The following MACC1 variants were observed in gnomAD, a reference collection of about 807,000 sequenced individuals.
MACC1 encodes metastasis-associated in colon cancer protein 1.
A neutral mutation model predicts 70.7 loss-of-function variants in MACC1; 79 were observed. The observed-to-expected ratio is 1.12, with a 90% CI of 0.93 to 1.35. MACC1 has a LOEUF of 1.35. MACC1 is among the 40% of genes most tolerant of loss of function. The probability of loss-of-function intolerance (pLI) is 0.00; values close to 1 mark genes in which losing one functional copy is unlikely to be tolerated. For synonymous variants in MACC1, 361 were observed against 347.2 expected, an observed-to-expected ratio of 1.04 and a Z score of -0.44; for missense variants, 1,106 against 978.1, an observed-to-expected ratio of 1.13 and a Z score of -1.74.
At chr7:20,209,942 G>C (rs898623519) in intron 1 of MACC1, among the ~76,000 whole-genome samples, 10 of 152,156 alleles carry the variant, frequency 6.6e-5, no homozygotes, top group Non-Finnish European at 1.3e-4. Context: ...CATTTTCCCT[G>C]CTGGCACTCA....
chr7:20,141,225 A>C, intron 6 of MACC1, 67 bp from the exon 7 acceptor site: 1 of 1,006,398 alleles, frequency 9.9e-7, no homozygotes, highest in East Asian at 2.5e-5. Flanking sequence ...GTTTTTAAAA[A>C]AAAGATGTAA....
chr7:20,203,634 G>A (rs1782865943), intron 1 of MACC1, among the ~76,000 whole-genome samples: 1 of 152,154 alleles, frequency 6.6e-6, no homozygotes, highest in Admixed American at 6.5e-5. Flanking sequence ...TCTGGATTGG[G>A]ATAGTCCTTC....
chr7:20,187,380 A>G (rs2128106616), intron 1 of MACC1, among the ~76,000 whole-genome samples: 1 of 152,272 alleles, frequency 6.6e-6, no homozygotes, highest in South Asian at 2.1e-4. Context: ...AATATGAATT[A>G]ATATTTCATG....
intron 1 of MACC1, among the ~76,000 whole-genome samples, chr7:20,185,642 G>A (rs1782575833): frequency 6.6e-6 from 1 of 152,122 alleles, no homozygotes; most frequent in South Asian, 2.1e-4. Flanking sequence ...GATAAGATAT[G>A]AGAAAATAAA....
intron 1 of MACC1, among the ~76,000 whole-genome samples, 160 bp downstream of exon 1, chr7:20,217,139 C>G (rs1783083204): frequency 6.6e-6 from 1 of 152,116 alleles, no homozygotes; most frequent in Non-Finnish European, 1.5e-5. Context: ...ACACATGTCC[C>G]ATAAGCCCAC....
chr7:20,142,400 C>T (rs1781819229), intron 6 of MACC1, among the ~76,000 whole-genome samples: 1 of 152,192 alleles, frequency 6.6e-6, no homozygotes, highest in African/African-American at 2.4e-5. Context: ...TTCCTCATCT[C>T]TCTCGACAAA....
intron 1 of MACC1, among the ~76,000 whole-genome samples, chr7:20,215,004 G>C (rs184873554): frequency 7.8e-4 from 119 of 152,236 alleles, no homozygotes; most frequent in African/African-American, 2.7e-3. Context: ...TCCTCTGGCA[G>C]CCTGGGTACG....
intron 3 of MACC1, among the ~76,000 whole-genome samples, chr7:20,162,599 C>T (rs1782154976): frequency 6.6e-6 from 1 of 151,984 alleles, no homozygotes; most frequent in African/African-American, 2.4e-5. Context: ...ATGAAGGACA[C>T]AGAATAGAGA....
At chr7:20,214,236 C>T (rs1783038104) in intron 1 of MACC1, among the ~76,000 whole-genome samples, 1 of 152,232 alleles carries the variant, frequency 6.6e-6, no homozygotes, top group Non-Finnish European at 1.5e-5. Context: ...CCCTTTAAAG[C>T]TTCCACAACC....
intron 1 of MACC1, among the ~76,000 whole-genome samples, chr7:20,215,168 A>T (rs372016453): frequency 6.6e-6 from 1 of 152,066 alleles, no homozygotes; most frequent in South Asian, 2.1e-4. Flanking sequence ...TGTCTTTTTA[A>T]TCCCCTGATA....
At chr7:20,157,302 G>A (rs1292923707) in intron 5 of MACC1, among the ~76,000 whole-genome samples, 2 of 151,806 alleles carry the variant, frequency 1.3e-5, no homozygotes, top group Non-Finnish European at 2.9e-5. Flanking sequence ...CTACTTTAAA[G>A]GTAAAAAGTA....
intron 1 of MACC1, among the ~76,000 whole-genome samples, chr7:20,214,891 C>A (rs539999884): frequency 2.0e-5 from 3 of 152,080 alleles, no homozygotes; most frequent in South Asian, 2.1e-4. Context: ...CTTTCATGAC[C>A]TTTTCCTGCC....
chr7:20,161,602 A>C, intron 4 of MACC1, 146 bp downstream of exon 4: 1 of 549,364 alleles, frequency 1.8e-6, no homozygotes, highest in Non-Finnish European at 3.2e-6. Context: ...TATTTTGCAC[A>C]TCTTTTTAAC....
At position 20,136,229 on chromosome 7, in the gene MACC1, C is replaced by T. The variant is rs1056370478; in HGVS notation, c.*4717G>A. ...GGAGTAATGGACAAAGATTAGAAACCGCAGCTCTCAACTCTTTGACTAGTG... is the reference window on the plus strand; with the variant it reads ...GGAGTAATGGACAAAGATTAGAAACTGCAGCTCTCAACTCTTTGACTAGTG... On this transcript the variant is annotated 3_prime_UTR_variant, in exon 7 of 7. Coordinates refer to ENST00000400331, the MANE Select transcript of MACC1 (RefSeq NM_182762.4). The T allele has an allele frequency of 5.9e-5, 9 of 152,200 alleles. No individual in the cohort carries two copies. Among genetic ancestry groups the T allele is most frequent in the African/African-American group, 1.4e-4 (6 of 41,532 alleles). 9.4% of individuals were successfully genotyped at this position (152,200 alleles called of 1,614,324 possible).
At chr7:20,177,490 G>A (rs375944166) in intron 1 of MACC1, among the ~76,000 whole-genome samples, 2 of 152,022 alleles carry the variant, frequency 1.3e-5, no homozygotes, top group South Asian at 4.1e-4. Flanking sequence ...AACCATATAA[G>A]TATGTGAAGG....
At position 20,161,835 on chromosome 7, in the gene MACC1, G is replaced by A. The variant is rs117142233; in HGVS notation, c.28C>T (p.Arg10Trp). 8,238 of 1,611,662 alleles carry A rather than the reference G, an allele frequency of 5.1e-3. 271 individuals carry two copies. In the Admixed American group the frequency reaches 0.063, roughly 12 times the overall value. The change falls in exon 4 of 7, where the codon CGG (arginine) becomes TGG (tryptophan). Residue 10 changes from arginine (R) to tryptophan (W), a missense_variant. Coordinates refer to ENST00000400331, the MANE Select transcript of MACC1 (RefSeq NM_182762.4). The part of the protein sequence containing the change: MLITERKHF[R>W]SGRIAQSMSE... Reference sequence around the variant, plus strand: ...ATACTTTGTGCAATTCTTCCTGACCGAAAATGTTTTCTTTCAGTGATTAGC... The same window carrying A: ...ATACTTTGTGCAATTCTTCCTGACCAAAAATGTTTTCTTTCAGTGATTAGC...
At chr7:20,205,665 T>C (rs1004046453) in intron 1 of MACC1, among the ~76,000 whole-genome samples, 3 of 152,262 alleles carry the variant, frequency 2.0e-5, no homozygotes, top group African/African-American at 7.2e-5. Context: ...CTGTGATATC[T>C]GTTTATTTAA....
At chr7:20,208,620 A>C (rs1267057077) in intron 1 of MACC1, among the ~76,000 whole-genome samples, 1 of 152,226 alleles carries the variant, frequency 6.6e-6, no homozygotes, top group African/African-American at 2.4e-5. Flanking sequence ...CAACGCATAA[A>C]AGTTTGGAAA....
intron 2 of MACC1, among the ~76,000 whole-genome samples, chr7:20,169,426 A>C (rs1216251689): frequency 1.3e-5 from 2 of 152,200 alleles, no homozygotes; most frequent in African/African-American, 4.8e-5. Context: ...TCAACCCCCA[A>C]TTCAGAAGGG....
Sources: gnomAD v4.1 joint callset for allele counts (sites outside exome capture counted in the v4.1 genomes callset) on GRCh38, gnomAD v4.1.1 for gene constraint, MANE v1.5 for transcripts, NCBI Gene and HGNC (gene_info 2026-07-23, HGNC 2026-07-21) for gene names.